TAFA2: variants seen among roughly 807,000 people sequenced by gnomAD.
TAFA2 encodes TAFA chemokine like family member 2.
A neutral mutation model predicts 18.8 loss-of-function variants in TAFA2; 7 were observed. The observed-to-expected ratio is 0.37, with a 90% confidence interval of 0.21 to 0.70. The LOEUF is 0.70. TAFA2 is among the 30% of genes least tolerant of loss of function. The pLI is 0.53. For missense variants in TAFA2, 122 were observed against 158.1 expected (o/e 0.77, Z 1.23); for synonymous variants, 60 against 54.2 (o/e 1.11, Z -0.47).
rs541176326 is a variant in TAFA2, at chr12:61,765,418, G to A, written c.107-10394C>T. On this transcript the variant is annotated intron_variant, in intron 2 of 4. Transcript: ENST00000416284. ...TAGGCTATGTTAAGCCAATGATTTTGATGTATATCTGTTATAGTAGCAAGC... is the reference window on the plus strand; with the variant it reads ...TAGGCTATGTTAAGCCAATGATTTTAATGTATATCTGTTATAGTAGCAAGC... 2.6e-4 allele frequency among the ~76,000 whole-genome samples: 40 copies of A among 152,196 alleles called. No individual in the cohort carries two copies. In the South Asian group the frequency reaches 7.5e-3, roughly 28 times the overall value.
At chr12:61,767,455 A>G (rs1049729021) in intron 2 of TAFA2, among the ~76,000 whole-genome samples, 5 of 152,106 alleles carry the variant, frequency 3.3e-5, no homozygotes, top group Non-Finnish European at 5.9e-5. Flanking sequence ...GCAGATTTAT[A>G]ATTCCATACC....
intron 1 of TAFA2, among the ~76,000 whole-genome samples, chr12:62,118,568 A>G (rs759302927): frequency 6.6e-6 from 1 of 152,148 alleles, no homozygotes; most frequent in Non-Finnish European, 1.5e-5. Flanking sequence ...TGATTGCACC[A>G]ATTTGCCCTC....
intron 1 of TAFA2, among the ~76,000 whole-genome samples, chr12:61,987,444 T>C (rs1187335750): frequency 6.6e-6 from 1 of 152,184 alleles, no homozygotes; most frequent in African/African-American, 2.4e-5. Flanking sequence ...TCTCTCTGGG[T>C]CTGGGTACCA....
Position 61,708,415 on chromosome 12 carries a change from T to C in TAFA2, c.*1991A>G, listed in dbSNP as rs1479987009. 1 of 152,124 alleles carries C rather than the reference T, an allele frequency of 6.6e-6. No homozygotes were observed. The highest frequency in any genetic ancestry group is 2.4e-5 in the African/African-American group (1 of 41,450). 9.4% of individuals were successfully genotyped at this position (152,124 alleles called of 1,614,324 possible). ...TTACACTTGTATATAATACAGAGTT[T>C]CCAGTGTTGATTTAAAGAACATAGT... On this transcript the variant is annotated 3_prime_UTR_variant, in exon 5 of 5. Coordinates refer to ENST00000416284, the MANE Select transcript of TAFA2 (RefSeq NM_178539.5).
rs574540137 is a variant in TAFA2, at chr12:61,967,957, T to C, written c.-1-100531A>G. Among the ~76,000 whole-genome samples, 37 of 151,928 alleles carry C rather than the reference T, an allele frequency of 2.4e-4. 1 individual carries two copies. In the South Asian group the frequency reaches 2.7e-3, roughly 11 times the overall value. ...TTCTGTAATCTGGGTCCAGGCCTGG[T>C]AATGTTATGGTGTTCAACCTTTGCT... On this transcript the variant is annotated intron_variant, in intron 1 of 4. Coordinates refer to ENST00000416284, the MANE Select transcript of TAFA2 (RefSeq NM_178539.5).
At chr12:62,136,055 T>A (rs943291636) in intron 1 of TAFA2, 6 of 152,156 alleles carry the variant, frequency 3.9e-5, no homozygotes, top group African/African-American at 1.4e-4. Context: ...TTATTTTGCA[T>A]GCAATCTTTC....
chr12:61,887,773 T>G (rs1434433971), intron 1 of TAFA2, among the ~76,000 whole-genome samples: 2 of 150,804 alleles, frequency 1.3e-5, no homozygotes, highest in African/African-American at 4.9e-5. Flanking sequence ...CTCATCATTT[T>G]TTATGGCTGC....
intron 2 of TAFA2, among the ~76,000 whole-genome samples, chr12:61,796,556 G>C (rs979969783): frequency 5.9e-5 from 9 of 152,068 alleles, no homozygotes; most frequent in African/African-American, 2.2e-4. Context: ...GGGAAGAGTA[G>C]GGAGGAGGAA....
At chr12:62,257,414 C>T (rs938815010) in intron 1 of TAFA2, among the ~76,000 whole-genome samples, 1 of 152,126 alleles carries the variant, frequency 6.6e-6, no homozygotes, top group African/African-American at 2.4e-5. Context: ...TTAAACCTAA[C>T]TCTCTCCTGG....
chr12:61,863,987 C>G (rs1874234551), intron 2 of TAFA2, among the ~76,000 whole-genome samples: 1 of 152,150 alleles, frequency 6.6e-6, no homozygotes, highest in Non-Finnish European at 1.5e-5. Context: ...GATTCTCCAG[C>G]TGAGACTCTA....
chr12:61,713,152 T>TGTA (rs1049486635), intron 4 of TAFA2, among the ~76,000 whole-genome samples: 62 of 152,188 alleles, frequency 4.1e-4, no homozygotes, highest in African/African-American at 1.4e-3. Flanking sequence ...TAAATGGAGG[T>TGTA]GTAAACACAA....
At chr12:61,991,650 CTTTTTTGATCTTATT>C (rs2136689557) in intron 1 of TAFA2, among the ~76,000 whole-genome samples, 1 of 152,152 alleles carries the variant, frequency 6.6e-6, no homozygotes, top group East Asian at 1.9e-4. Flanking sequence ...TTTAAAAAAA[CTTTTTTGATCTTATT>C]TTCTATTTTG....
At chr12:62,083,104 C>T (rs990586371) in intron 1 of TAFA2, among the ~76,000 whole-genome samples, 1 of 152,014 alleles carries the variant, frequency 6.6e-6, no homozygotes, top group Non-Finnish European at 1.5e-5. Flanking sequence ...GGCTCTGTTA[C>T]CCAGTAAATA....
chr12:62,092,281 C>A (rs1407354795), intron 1 of TAFA2, among the ~76,000 whole-genome samples: 1 of 151,898 alleles, frequency 6.6e-6, no homozygotes, highest in Non-Finnish European at 1.5e-5. Flanking sequence ...AAACTAGTTT[C>A]TTCACCCCAC....
chr12:61,781,437 T>G (rs894094828), intron 2 of TAFA2, among the ~76,000 whole-genome samples: 2 of 151,856 alleles, frequency 1.3e-5, no homozygotes, highest in African/African-American at 4.8e-5. Flanking sequence ...TGAAGATGTT[T>G]GTTTTATTAA....
intron 4 of TAFA2, among the ~76,000 whole-genome samples, chr12:61,722,974 C>T (rs1869975499): frequency 6.6e-6 from 1 of 152,056 alleles, no homozygotes; most frequent in African/African-American, 2.4e-5. Flanking sequence ...CATGATTAGA[C>T]CCCAAACACC....
At chr12:62,052,995 G>C (rs1474927083) in intron 1 of TAFA2, among the ~76,000 whole-genome samples, 1 of 152,226 alleles carries the variant, frequency 6.6e-6, no homozygotes, top group Non-Finnish European at 1.5e-5. Context: ...GAAAAGGTTA[G>C]TGGGTCGTTG....
At chr12:61,785,312 A>G (rs989189985) in intron 2 of TAFA2, among the ~76,000 whole-genome samples, 9 of 116,830 alleles carry the variant, frequency 7.7e-5, no homozygotes, top group Non-Finnish European at 1.1e-4. Context: ...ATGGCTGAAT[A>G]GTATTCTTGT....
At chr12:61,763,355 G>A (rs1004060705) in intron 2 of TAFA2, among the ~76,000 whole-genome samples, 1 of 151,950 alleles carries the variant, frequency 6.6e-6, no homozygotes, top group Non-Finnish European at 1.5e-5. Context: ...ATTAACAAAA[G>A]CAAATTCTCA....
Sources: allele counts gnomAD v4.1 joint callset (sites outside exome capture counted in the v4.1 genomes callset), GRCh38; gene constraint gnomAD v4.1.1; transcripts MANE v1.5; gene names NCBI Gene and HGNC (gene_info 2026-07-23, HGNC 2026-07-21).